The following LYPLA1 variants were observed in gnomAD, a reference collection of about 807,000 sequenced individuals.
The protein encoded by LYPLA1 is acyl-protein thioesterase 1.
Under a neutral mutation model 34.0 loss-of-function variants are expected in LYPLA1, and 17 were observed. The observed-to-expected ratio is 0.50, with a 90% CI of 0.34 to 0.75. The LOEUF is 0.75. Among genes scored for constraint, LYPLA1 ranks in the 30% least tolerant of loss-of-function variants. LYPLA1 has a pLI of 0.01. For synonymous variants in LYPLA1, 98 were observed against 100.8 expected, an observed-to-expected ratio of 0.97 and a Z score of 0.17; for missense variants, 203 against 288.8, an observed-to-expected ratio of 0.70 and a Z score of 2.15.
At position 54,055,931 on chromosome 8, in the gene LYPLA1, G is replaced by A. The variant is rs188766136; in HGVS notation, c.287-798C>T. On this transcript the variant is annotated intron_variant, in intron 5 of 8. Transcript: ENST00000316963. ...ACTAGGATTACAGGCGTGAGCCACC[G>A]TGCCTAGCCCCCTAAAATTTATATG... is the stretch of plus-strand genomic sequence containing the variant. Among the ~76,000 whole-genome samples, 476 of 152,190 alleles carry A rather than the reference G, an allele frequency of 3.1e-3. 5 individuals carry two copies. The highest frequency in any genetic ancestry group is 7.9e-3 in the South Asian group (38 of 4,820).
intron 7 of LYPLA1, 21 bp downstream of exon 7, chr8:54,052,634 T>C (rs1805923795): frequency 1.3e-6 from 2 of 1,507,590 alleles, no homozygotes; most frequent in Non-Finnish European, 1.8e-6. Context: ...AATCTCATGT[T>C]GAGTGCATCA....
At position 54,078,300 on chromosome 8, in the gene LYPLA1, C is replaced by CAATTTTCAAAAT. The variant is rs1563626916; in HGVS notation, c.102-12499_102-12488dup. ...TACTTGACTATATCATAATCCAATA[C>CAATTTTCAAAAT]AATTTTCAAAATAATTTTCAAAAAT... On this transcript the variant is annotated intron_variant, in intron 2 of 8. Transcript: ENST00000316963. 3.3e-5 allele frequency among the ~76,000 whole-genome samples: 5 copies of CAATTTTCAAAAT among 152,266 alleles called. No homozygotes were observed. In the South Asian group the frequency reaches 8.3e-4, roughly 25 times the overall value.
intron 2 of LYPLA1, among the ~76,000 whole-genome samples, chr8:54,077,622 C>T (rs755529193): frequency 1.7e-4 from 26 of 152,156 alleles, no homozygotes; most frequent in Non-Finnish European, 3.4e-4. Flanking sequence ...ATGGCGAAAC[C>T]CCGTCTCTAC....
intron 2 of LYPLA1, among the ~76,000 whole-genome samples, chr8:54,077,811 TC>T: frequency 6.6e-6 from 1 of 152,108 alleles, no homozygotes; most frequent in Middle Eastern, 3.4e-3. Context: ...GCAATAGAAG[TC>T]AGAATAATGG....
intron 5 of LYPLA1, among the ~76,000 whole-genome samples, chr8:54,056,509 C>T (rs1330348269): frequency 6.6e-6 from 1 of 152,006 alleles, no homozygotes; most frequent in Non-Finnish European, 1.5e-5. Flanking sequence ...AGGAGACAAC[C>T]CACAGAATGG....
At chr8:54,070,523 A>G (rs1288078501) in intron 2 of LYPLA1, among the ~76,000 whole-genome samples, 1 of 152,184 alleles carries the variant, frequency 6.6e-6, no homozygotes. Flanking sequence ...CAGGGGTTCG[A>G]GACCAGCCTG....
intron 2 of LYPLA1, among the ~76,000 whole-genome samples, chr8:54,066,086 G>A (rs1204111830): frequency 1.3e-5 from 2 of 152,010 alleles, no homozygotes; most frequent in Non-Finnish European, 2.9e-5. Context: ...ACAGGTGCCC[G>A]CCACCACGCC....
intron 5 of LYPLA1, among the ~76,000 whole-genome samples, chr8:54,056,755 A>G (rs1806233710): frequency 6.6e-6 from 1 of 152,080 alleles, no homozygotes; most frequent in African/African-American, 2.4e-5. Flanking sequence ...TCTACTACAG[A>G]TTAAAAAATT....
intron 2 of LYPLA1, among the ~76,000 whole-genome samples, chr8:54,074,228 C>T (rs562538580): frequency 1.3e-5 from 2 of 152,288 alleles, no homozygotes; most frequent in African/African-American, 4.8e-5. Flanking sequence ...GAGCCGAGAT[C>T]GTGCCACTGC....
At chr8:54,071,833 C>T (rs1268546786) in intron 2 of LYPLA1, among the ~76,000 whole-genome samples, 1 of 152,112 alleles carries the variant, frequency 6.6e-6, no homozygotes, top group Admixed American at 6.6e-5. Context: ...AGATTCAATG[C>T]TATTCCTATC....
At chr8:54,092,157 CGGCGGA>C (rs1809331428) in intron 2 of LYPLA1, among the ~76,000 whole-genome samples, 2 of 146,308 alleles carry the variant, frequency 1.4e-5, no homozygotes, top group African/African-American at 5.1e-5. Context: ...GCAGAGGCGG[CGGCGGA>C]GGAGAACCCT....
chr8:54,080,332 G>A (rs1808218702), intron 2 of LYPLA1, among the ~76,000 whole-genome samples: 1 of 152,124 alleles, frequency 6.6e-6, no homozygotes, highest in African/African-American at 2.4e-5. Flanking sequence ...ACTCCAGCCT[G>A]GGCAACAAAG....
Position 54,052,686 on chromosome 8 carries a change from C to A in LYPLA1, c.431G>T (p.Cys144Phe). The A allele has an allele frequency of 1.2e-6, 2 of 1,613,778 alleles. No individual in the cohort carries two copies. The highest frequency in any genetic ancestry group is 1.7e-6 in the Non-Finnish European group (2 of 1,179,856). The change falls in exon 7 of 9, where the codon TGC becomes TTC. Residue 144 changes from cysteine (C) to phenylalanine (F), a missense_variant. Coordinates refer to ENST00000316963, the MANE Select transcript of LYPLA1 (RefSeq NM_006330.4). ...AAAGGAAGCCCGAAGTGGAAGCCAG[C>A]AACTGAGTGCAGTGACACCTGCCAG... ...QKLAGVTALS[C>F]WLPLRASFPQ...
At chr8:54,095,037 T>G (rs1809578388) in intron 2 of LYPLA1, among the ~76,000 whole-genome samples, 1 of 151,970 alleles carries the variant, frequency 6.6e-6, no homozygotes, top group Non-Finnish European at 1.5e-5. Context: ...TAAAGGAATT[T>G]TTTTTTTTTT....
intron 5 of LYPLA1, among the ~76,000 whole-genome samples, chr8:54,061,602 T>C (rs1439485421): frequency 6.6e-6 from 1 of 152,078 alleles, no homozygotes; most frequent in Non-Finnish European, 1.5e-5. Flanking sequence ...AGGGAGACCC[T>C]GTGTCTACAA....
At chr8:54,090,938 G>T (rs745420676) in intron 2 of LYPLA1, among the ~76,000 whole-genome samples, 5 of 152,128 alleles carry the variant, frequency 3.3e-5, no homozygotes. Context: ...CTGTGAAGAG[G>T]TGCCTTCCAC....
At chr8:54,081,105 G>C (rs1477896957) in intron 2 of LYPLA1, among the ~76,000 whole-genome samples, 1 of 152,120 alleles carries the variant, frequency 6.6e-6, no homozygotes, top group African/African-American at 2.4e-5. Flanking sequence ...GCCTTTTGCT[G>C]TACTCACTAG....
intron 2 of LYPLA1, among the ~76,000 whole-genome samples, chr8:54,074,868 A>AG (rs1563618123): frequency 6.6e-6 from 1 of 152,230 alleles, no homozygotes; most frequent in Non-Finnish European, 1.5e-5. Flanking sequence ...CATGCCAATC[A>AG]GGAGAGTCTT....
rs906907816 is a variant in LYPLA1, at chr8:54,048,739, T to A, written c.640-621A>T. Among the ~76,000 whole-genome samples the A allele has an allele frequency of 9.9e-5, 15 of 152,180 alleles. 1 individual carries two copies. Among genetic ancestry groups the A allele is most frequent in the Admixed American group, 8.5e-4 (13 of 15,266 alleles). On this transcript the variant is annotated intron_variant, in intron 8 of 8. Transcript: ENST00000316963. ...TTATATTTCAAGGCCTTACTTAGCC[T>A]CACAGTGCCAAATAGTAGCAATGCA...
Sources: allele counts gnomAD v4.1 joint callset (sites outside exome capture counted in the v4.1 genomes callset), GRCh38; gene constraint gnomAD v4.1.1; transcripts MANE v1.5; gene names NCBI Gene and HGNC (gene_info 2026-07-23, HGNC 2026-07-21).